Variants in LPAR1 observed in about 807,000 individuals in gnomAD.
The protein encoded by LPAR1 is lysophosphatidic acid receptor 1.
Under a neutral mutation model 23.8 loss-of-function variants are expected in LPAR1, and 5 were observed. That is an observed-to-expected ratio of 0.21 (90% confidence interval 0.11 to 0.44). The LOEUF (loss-of-function observed/expected upper bound fraction) is 0.44. Among genes scored for constraint, LPAR1 ranks in the 20% least tolerant of loss-of-function variants. The pLI, the probability that LPAR1 is intolerant of heterozygous loss-of-function variation, is 0.99. For missense variants in LPAR1, 311 were observed against 482.8 expected (o/e 0.64, Z 3.33); for synonymous variants, 160 against 164.7 (o/e 0.97, Z 0.22).
intron 5 of LPAR1, among the ~76,000 whole-genome samples, chr9:110,880,888 G>T (rs1395277044): frequency 6.6e-6 from 1 of 151,980 alleles, no homozygotes; most frequent in Non-Finnish European, 1.5e-5. Flanking sequence ...TGCTATTAAG[G>T]TACACACATA....
At chr9:110,879,145 G>T (rs998314955) in intron 5 of LPAR1, among the ~76,000 whole-genome samples, 1 of 152,142 alleles carries the variant, frequency 6.6e-6, no homozygotes, top group African/African-American at 2.4e-5. Context: ...GGCCCGGTGC[G>T]GGAGCTCACG....
chr9:110,948,913 GA>G (rs769429145), intron 4 of LPAR1, among the ~76,000 whole-genome samples: 2,818 of 101,956 alleles, frequency 0.028, 69 homozygotes, highest in African/African-American at 0.083. Flanking sequence ...TGTAGATCAA[GA>G]AAAAAAAAAA....
chr9:110,905,593 T>A (rs2090990451), intron 5 of LPAR1, among the ~76,000 whole-genome samples: 1 of 152,060 alleles, frequency 6.6e-6, no homozygotes, highest in Non-Finnish European at 1.5e-5. Flanking sequence ...GACCTCATGA[T>A]CCGCCCACCT....
chr9:110,994,182 T>A (rs2096950792), intron 2 of LPAR1, among the ~76,000 whole-genome samples: 1 of 152,098 alleles, frequency 6.6e-6, no homozygotes, highest in Admixed American at 6.6e-5. Flanking sequence ...CTGCCAAAAG[T>A]TTGAAATCTG....
intron 3 of LPAR1, among the ~76,000 whole-genome samples, chr9:110,972,722 G>T (rs1160233576): frequency 6.6e-6 from 1 of 152,032 alleles, no homozygotes. Flanking sequence ...CGAGGGGGAA[G>T]GATTACCTGA....
intron 5 of LPAR1, among the ~76,000 whole-genome samples, chr9:110,895,366 C>G (rs1310952653): frequency 6.6e-6 from 1 of 152,196 alleles, no homozygotes. Context: ...GCTCCAACCT[C>G]TCCTCTCTGG....
chr9:110,971,718 A>AC (rs1564205653), intron 4 of LPAR1, among the ~76,000 whole-genome samples: 1 of 75,704 alleles, frequency 1.3e-5, no homozygotes, highest in South Asian at 3.4e-4. Flanking sequence ...ATTTCATTAA[A>AC]CCCCACCCCA....
intron 2 of LPAR1, among the ~76,000 whole-genome samples, chr9:110,979,100 C>T (rs1011218520): frequency 2.6e-5 from 4 of 152,006 alleles, no homozygotes; most frequent in Non-Finnish European, 4.4e-5. Flanking sequence ...CTGTTCTTAC[C>T]GCAAACAAAT....
At chr9:110,954,761 T>C (rs1380789998) in intron 4 of LPAR1, among the ~76,000 whole-genome samples, 1 of 152,158 alleles carries the variant, frequency 6.6e-6, no homozygotes, top group Non-Finnish European at 1.5e-5. Flanking sequence ...CCAGCAAAGT[T>C]ATCCTTCATA....
At chr9:110,951,767 T>A (rs1427536798) in intron 4 of LPAR1, among the ~76,000 whole-genome samples, 2 of 151,636 alleles carry the variant, frequency 1.3e-5, no homozygotes, top group African/African-American at 4.9e-5. Flanking sequence ...CTAACCCTAG[T>A]TTAAAAAAAA....
chr9:111,005,066 G>A (rs2097189178), intron 2 of LPAR1, among the ~76,000 whole-genome samples: 1 of 146,910 alleles, frequency 6.8e-6, no homozygotes, highest in East Asian at 2.0e-4. Flanking sequence ...AAAGGCTAAA[G>A]CGCAAGCATT....
In LPAR1 at chr9:110,947,320, A is replaced by G. The variant is rs572470520; in HGVS notation, c.46-5152T>C. On this transcript the variant is annotated intron_variant, in intron 4 of 5. Transcript: ENST00000683809. ...TATAGAATTTCACCCTGCCCAAGAA[A>G]CAAAAACATAAATAAGATAGCATTA... Among the ~76,000 whole-genome samples, 6 of 152,326 alleles carry G rather than the reference A, an allele frequency of 3.9e-5. No homozygotes were observed. The East Asian group carries it at 1.2e-3, about 29-fold the overall frequency.
At chr9:110,996,836 C>T (rs760090035) in intron 2 of LPAR1, among the ~76,000 whole-genome samples, 25 of 152,236 alleles carry the variant, frequency 1.6e-4, no homozygotes, top group Non-Finnish European at 3.2e-4. Flanking sequence ...TTGGTGGTAG[C>T]GATGGAGGTA....
intron 2 of LPAR1, among the ~76,000 whole-genome samples, chr9:111,002,944 G>A (rs1487874765): frequency 6.6e-6 from 1 of 151,992 alleles, no homozygotes; most frequent in Admixed American, 6.6e-5. Context: ...TTTGAGACCA[G>A]CCTGGTCCAC....
chr9:110,994,806 C>A (rs2096964680), intron 2 of LPAR1, among the ~76,000 whole-genome samples: 2 of 152,062 alleles, frequency 1.3e-5, no homozygotes, highest in African/African-American at 4.8e-5. Flanking sequence ...ACATGACTAC[C>A]CCAGACACAT....
intron 5 of LPAR1, among the ~76,000 whole-genome samples, chr9:110,889,255 G>T (rs180719002): frequency 2.0e-4 from 31 of 152,296 alleles, no homozygotes; most frequent in African/African-American, 7.0e-4. Context: ...CTACTCGGGA[G>T]GCTGAGGCAG....
intron 5 of LPAR1, among the ~76,000 whole-genome samples, chr9:110,888,739 A>G (rs1160174591): frequency 6.6e-6 from 1 of 152,228 alleles, no homozygotes; most frequent in African/African-American, 2.4e-5. Context: ...GCAGTAAATC[A>G]GACAAGAGAT....
intron 2 of LPAR1, among the ~76,000 whole-genome samples, chr9:110,988,336 T>C (rs748721866): frequency 1.6e-4 from 25 of 151,956 alleles, no homozygotes; most frequent in Admixed American, 5.2e-4. Flanking sequence ...CATGGATAAA[T>C]ATAAAAACCA....
chr9:110,990,440 G>A (rs1487960480), intron 2 of LPAR1, among the ~76,000 whole-genome samples: 1 of 151,954 alleles, frequency 6.6e-6, no homozygotes, highest in Non-Finnish European at 1.5e-5. Context: ...AATGATCTCT[G>A]GAAAATCATC....
Sources: gnomAD v4.1 joint callset for allele counts (sites outside exome capture counted in the v4.1 genomes callset) on GRCh38, gnomAD v4.1.1 for gene constraint, MANE v1.5 for transcripts, NCBI Gene and HGNC (gene_info 2026-07-23, HGNC 2026-07-21) for gene names.